The following NR2F1-AS1 variants were observed in gnomAD, a reference collection of about 807,000 sequenced individuals.
NR2F1-AS1 encodes the protein NR2F1 regulatory antisense RNA 1, also known as NR2F1 antisense RNA 1.
chr5:93,420,453 A>G (rs1053029689), intron 4 of NR2F1-AS1, among the ~76,000 whole-genome samples: 8 of 152,174 alleles, frequency 5.3e-5, no homozygotes, highest in African/African-American at 1.7e-4. Flanking sequence ...TAGTTTTAGC[A>G]TATCTGGGGT....
intron 4 of NR2F1-AS1, among the ~76,000 whole-genome samples, chr5:93,536,803 C>T (rs980216091): frequency 6.6e-6 from 1 of 152,222 alleles, no homozygotes; most frequent in Non-Finnish European, 1.5e-5. Context: ...ACCCAAATCT[C>T]ATCTTGTAGC....
intron 4 of NR2F1-AS1, among the ~76,000 whole-genome samples, chr5:93,514,245 C>T (rs1030319834): frequency 6.6e-6 from 1 of 151,962 alleles, no homozygotes; most frequent in Non-Finnish European, 1.5e-5. Context: ...CTAGTAACAC[C>T]CAATGCTGCA....
chr5:93,529,419 A>C (rs1254905535), intron 4 of NR2F1-AS1, among the ~76,000 whole-genome samples: 3 of 152,130 alleles, frequency 2.0e-5, no homozygotes, highest in African/African-American at 7.2e-5. Flanking sequence ...ATAGTGAAAA[A>C]TTTGGTAATC....
chr5:93,562,299 G>A (rs946772960), intron 2 of NR2F1-AS1, among the ~76,000 whole-genome samples: 10 of 152,008 alleles, frequency 6.6e-5, no homozygotes, highest in Non-Finnish European at 8.8e-5. Flanking sequence ...AATTTAGGCT[G>A]TCCCCAAATT....
chr5:93,458,014 T>C (rs1749990756), intron 4 of NR2F1-AS1, among the ~76,000 whole-genome samples: 1 of 152,188 alleles, frequency 6.6e-6, no homozygotes, highest in African/African-American at 2.4e-5. Context: ...TGACGACGCT[T>C]GAGCGTACCT....
At chr5:93,572,028 G>C (rs940120800) in intron 1 of NR2F1-AS1, among the ~76,000 whole-genome samples, 3 of 152,176 alleles carry the variant, frequency 2.0e-5, no homozygotes, top group African/African-American at 7.2e-5. Context: ...CGGAGGTCTG[G>C]GGTGGGATAG....
intron 4 of NR2F1-AS1, among the ~76,000 whole-genome samples, chr5:93,458,201 G>A (rs964638674): frequency 2.0e-5 from 3 of 152,266 alleles, no homozygotes; most frequent in South Asian, 2.1e-4. Flanking sequence ...GAGGACCCGC[G>A]CTGGCCACAT....
At chr5:93,504,578 A>G (rs777722234) in intron 4 of NR2F1-AS1, among the ~76,000 whole-genome samples, 24 of 152,144 alleles carry the variant, frequency 1.6e-4, no homozygotes, top group Non-Finnish European at 3.1e-4. Context: ...AAGAATTGAA[A>G]GAATTGAACT....
At chr5:93,458,526 C>CA (rs757858777) in intron 4 of NR2F1-AS1, among the ~76,000 whole-genome samples, 4 of 151,812 alleles carry the variant, frequency 2.6e-5, no homozygotes, top group Non-Finnish European at 4.4e-5. Context: ...AAAATTCATT[C>CA]AAAATGTATC....
chr5:93,513,683 T>C (rs1751346392), intron 4 of NR2F1-AS1, among the ~76,000 whole-genome samples: 1 of 152,040 alleles, frequency 6.6e-6, no homozygotes. Context: ...GGGCAAAAGC[T>C]GAAAAGCTAA....
chr5:93,529,318 A>G (rs934426430), intron 4 of NR2F1-AS1, among the ~76,000 whole-genome samples: 3 of 152,178 alleles, frequency 2.0e-5, no homozygotes, highest in African/African-American at 7.2e-5. Flanking sequence ...CCAAATGTCA[A>G]CTCATATATG....
chr5:93,556,615 T>C (rs1347162230), intron 2 of NR2F1-AS1, among the ~76,000 whole-genome samples: 2 of 152,124 alleles, frequency 1.3e-5, no homozygotes, highest in Non-Finnish European at 2.9e-5. Context: ...CTGGTATCCT[T>C]ACAAAGAGGT....
At chr5:93,493,256 T>C (rs1349143256) in intron 4 of NR2F1-AS1, among the ~76,000 whole-genome samples, 2 of 151,726 alleles carry the variant, frequency 1.3e-5, no homozygotes, top group Non-Finnish European at 2.9e-5. Flanking sequence ...ATGAACAAAC[T>C]GAAAAGGAAA....
chr5:93,411,039 A>G (rs1447965322), intron 4 of NR2F1-AS1: 1 of 152,150 alleles, frequency 6.6e-6, no homozygotes. Context: ...TCATGTATTT[A>G]TTGTCTTGGG....
intron 2 of NR2F1-AS1, among the ~76,000 whole-genome samples, chr5:93,556,517 G>A (rs566280479): frequency 6.6e-5 from 10 of 152,170 alleles, no homozygotes; most frequent in South Asian, 2.1e-4. Context: ...CTTAACCTCC[G>A]ACTCCTGTGA....
intron 4 of NR2F1-AS1, among the ~76,000 whole-genome samples, chr5:93,430,200 A>G (rs1162794694): frequency 1.3e-5 from 2 of 152,354 alleles, no homozygotes; most frequent in Middle Eastern, 3.4e-3. Flanking sequence ...GCAGCAACTC[A>G]AAGTGGCGGG....
chr5:93,482,195 T>A (rs889630549), intron 4 of NR2F1-AS1, among the ~76,000 whole-genome samples: 1 of 152,104 alleles, frequency 6.6e-6, no homozygotes, highest in Non-Finnish European at 1.5e-5. Flanking sequence ...GGTCTACAGC[T>A]CCCAGTGAGA....
chr5:93,493,170 G>T (rs1310781263), intron 4 of NR2F1-AS1, among the ~76,000 whole-genome samples: 1 of 152,064 alleles, frequency 6.6e-6, no homozygotes. Context: ...ACCTACTAGT[G>T]CTAATAAGCA....
intron 4 of NR2F1-AS1, among the ~76,000 whole-genome samples, chr5:93,505,853 T>C (rs975356167): frequency 2.0e-5 from 3 of 152,228 alleles, no homozygotes; most frequent in Admixed American, 1.3e-4. Flanking sequence ...CCTAGAGACA[T>C]GGCCTGGAGA....
Sources: allele counts gnomAD v4.1 joint callset (sites outside exome capture counted in the v4.1 genomes callset), GRCh38; gene constraint gnomAD v4.1.1; transcripts MANE v1.5; gene names NCBI Gene and HGNC (gene_info 2026-07-23, HGNC 2026-07-21).